Variants in RIN3 observed in about 807,000 individuals in gnomAD.
The protein encoded by RIN3 is RAB5 interacting protein 3.
Under a neutral mutation model 76.3 loss-of-function variants are expected in RIN3, and 54 were observed. That is an observed-to-expected ratio of 0.71 (90% CI 0.57 to 0.89). RIN3 has a LOEUF of 0.89. Among genes scored for constraint, RIN3 ranks in the 40% least tolerant of loss-of-function variants. The pLI is 0.00. For synonymous variants in RIN3, 576 were observed against 564.0 expected, an observed-to-expected ratio of 1.02 and a Z score of -0.30; for missense variants, 1,256 against 1,322.1, an observed-to-expected ratio of 0.95 and a Z score of 0.78.
intron 3 of RIN3, among the ~76,000 whole-genome samples, chr14:92,598,230 A>G (rs1885220449): frequency 1.3e-5 from 2 of 152,160 alleles, no homozygotes; most frequent in Admixed American, 1.3e-4. Flanking sequence ...CCTGGACACT[A>G]TATAAGGAGG....
chr14:92,626,702 G>A (rs374996495), intron 4 of RIN3, among the ~76,000 whole-genome samples: 1 of 152,116 alleles, frequency 6.6e-6, no homozygotes. Flanking sequence ...ATCTGGGACC[G>A]AGTCCAGGGT....
chr14:92,578,961 C>G (rs1351324671), intron 3 of RIN3, among the ~76,000 whole-genome samples: 1 of 151,328 alleles, frequency 6.6e-6, no homozygotes, highest in Non-Finnish European at 1.5e-5. Context: ...GAGTTTCGCT[C>G]TTGTTGCCCA....
Position 92,513,952 on chromosome 14 carries a change from C to T in RIN3, c.20C>T (p.Ala7Val). Residue 7 changes from alanine (A) to valine (V), a missense_variant, in exon 1 of 10, where the codon GCG becomes GTG. By Grantham distance (64) the Ala-to-Val change is moderately conservative. Coordinates refer to ENST00000216487, the MANE Select transcript of RIN3 (RefSeq NM_024832.5). Reference protein sequence around the residue: MIRHAGAPARGDPTGPV... With the variant: MIRHAGVPARGDPTGPV... ...GGCGGCATGATCCGACACGCCGGGG[C>T]GCCCGCGCGCGGGGACCCCACGGGG... 1 of 1,245,720 alleles carries T rather than the reference C, an allele frequency of 8.0e-7. No homozygotes were observed. Among genetic ancestry groups the T allele is most frequent in the South Asian group, 3.3e-5 (1 of 29,994 alleles). 77.2% of individuals were successfully genotyped at this position (1,245,720 alleles called of 1,614,324 possible). A position where few individuals can be genotyped will look rare whatever the true frequency, so the allele number is the denominator to read the frequency against.
At chr14:92,669,266 T>C (rs1303936921) in intron 7 of RIN3, among the ~76,000 whole-genome samples, 1 of 152,150 alleles carries the variant, frequency 6.6e-6, no homozygotes, top group Non-Finnish European at 1.5e-5. Context: ...TAAACAGAAA[T>C]GCAAAATATA....
At chr14:92,566,080 T>C (rs1411114783) in intron 2 of RIN3, among the ~76,000 whole-genome samples, 1 of 152,194 alleles carries the variant, frequency 6.6e-6, no homozygotes, top group African/African-American at 2.4e-5. Context: ...GGCACTGGGT[T>C]GGTGGTGAAT....
Position 92,584,785 on chromosome 14 carries a change from G to A in RIN3, c.367+7308G>A, listed in dbSNP as rs1007883356. ...ACACTAGCTACTTTTTCATTGATGG[G>A]CTTTGAAGATGGTGACAGTGACAGA... is the stretch of plus-strand genomic sequence containing the variant. On this transcript the variant is annotated intron_variant, in intron 3 of 9. Transcript: ENST00000216487. Among the ~76,000 whole-genome samples the A allele has an allele frequency of 2.6e-5, 4 of 152,282 alleles. No homozygotes were observed. The East Asian group carries it at 7.7e-4, about 29-fold the overall frequency.
chr14:92,596,762 CT>C (rs1885161586), intron 3 of RIN3, among the ~76,000 whole-genome samples: 2 of 152,170 alleles, frequency 1.3e-5, no homozygotes, highest in Admixed American at 6.5e-5. Flanking sequence ...GACTAGATGG[CT>C]TCAGCAAGGA....
At chr14:92,659,619 G>A in intron 7 of RIN3, 150 bp downstream of exon 7, 2 of 682,638 alleles carry the variant, frequency 2.9e-6, no homozygotes, top group Non-Finnish European at 4.6e-6. Flanking sequence ...TGGGTGGGGT[G>A]TAATTCCTGG....
chr14:92,535,539 G>A (rs1896977055), intron 1 of RIN3, among the ~76,000 whole-genome samples: 1 of 151,856 alleles, frequency 6.6e-6, no homozygotes, highest in African/African-American at 2.4e-5. Flanking sequence ...GTGTGTGCGT[G>A]CACGCACGTG....
At chr14:92,638,668 A>T (rs560383012) in intron 4 of RIN3, among the ~76,000 whole-genome samples, 1 of 152,284 alleles carries the variant, frequency 6.6e-6, no homozygotes, top group African/African-American at 2.4e-5. Flanking sequence ...CTTCAAAATT[A>T]GAGCTGGGGT....
chr14:92,676,504 C>G lies in RIN3; in HGVS notation c.2365C>G (p.Pro789Ala). 1.2e-6 allele frequency: 2 copies of G among 1,614,150 alleles called. No individual in the cohort carries two copies. Among genetic ancestry groups the G allele is most frequent in the Non-Finnish European group, 1.7e-6 (2 of 1,180,002 alleles). Reference sequence around the variant, plus strand: ...GCCCTATGGGGCGGATGACTTCCTGCCTGTGCTCATGTATGTGCTGGCCCG... The same window carrying G: ...GCCCTATGGGGCGGATGACTTCCTGGCTGTGCTCATGTATGTGCTGGCCCG... ...GKPYGADDFLPVLMYVLARSN... is the reference protein window; with the variant it reads ...GKPYGADDFLAVLMYVLARSN... Residue 789 changes from proline (P) to alanine (A), a missense_variant, in exon 8 of 10, where the codon CCT (proline) becomes GCT (alanine). By Grantham distance (27) the Pro-to-Ala change is conservative. Coordinates refer to ENST00000216487, the MANE Select transcript of RIN3 (RefSeq NM_024832.5).
At chr14:92,596,880 A>C (rs932068873) in intron 3 of RIN3, among the ~76,000 whole-genome samples, 1 of 152,180 alleles carries the variant, frequency 6.6e-6, no homozygotes, top group South Asian at 2.1e-4. Flanking sequence ...GGCATGCTGG[A>C]GCCGACTCAT....
chr14:92,601,701 C>T (rs1374306369), intron 3 of RIN3, among the ~76,000 whole-genome samples: 2 of 152,172 alleles, frequency 1.3e-5, no homozygotes, highest in Non-Finnish European at 2.9e-5. Flanking sequence ...ATTGCTTTCC[C>T]CAACATGCAC....
intron 4 of RIN3, among the ~76,000 whole-genome samples, chr14:92,627,572 G>A (rs760225380): frequency 2.0e-4 from 31 of 152,132 alleles, no homozygotes; most frequent in Admixed American, 3.3e-4. Flanking sequence ...ATACTTCACC[G>A]CCCCCACAGC....
intron 8 of RIN3, among the ~76,000 whole-genome samples, chr14:92,684,683 A>C (rs553088039): frequency 6.6e-6 from 1 of 152,140 alleles, no homozygotes; most frequent in South Asian, 2.1e-4. Flanking sequence ...TTTCTTGTGT[A>C]TCCTTTAAAT....
chr14:92,572,355 C>T (rs1363256557), intron 2 of RIN3, among the ~76,000 whole-genome samples: 3 of 152,240 alleles, frequency 2.0e-5, no homozygotes, highest in Non-Finnish European at 4.4e-5. Context: ...AGTTACACTC[C>T]GCCATTTTGC....
At position 92,651,882 on chromosome 14, in the gene RIN3, G is replaced by GCCACC; in HGVS notation, c.835_836insACCCC (p.Arg279HisfsTer62). On this transcript the variant is annotated frameshift_variant, in exon 6 of 10. Transcript: ENST00000216487. LOFTEE classifies it high-confidence loss of function. ...TCACCCACCTCCAGGTGGGCCCCAC[G>GCCACC]CCGCCCACCACCCCCTCCCCCAGTG... 6.4e-7 allele frequency: 1 copy of GCCACC among 1,554,478 alleles called. No homozygotes were observed. Among genetic ancestry groups the GCCACC allele is most frequent in the Non-Finnish European group, 8.7e-7 (1 of 1,153,216 alleles).
Position 92,656,588 on chromosome 14 carries a change from G to T in RIN3, c.2027-2573G>T, listed in dbSNP as rs1887676134. On this transcript the variant is annotated intron_variant, in intron 6 of 9. Transcript: ENST00000216487. This position sits in a 1 kb window ranked among gnomAD's most constrained non-coding sequence, Gnocchi z 5.2. ...CCAAATCTGCTTCGGGCACCAAGAT[G>T]TCAAGAGGTGCTAGACTTGGAGTTT... is the stretch of plus-strand genomic sequence containing the variant. Among the ~76,000 whole-genome samples, 1 of 152,252 alleles carries T rather than the reference G, an allele frequency of 6.6e-6. No homozygotes were observed.
At chr14:92,583,437 A>T (rs1231961053) in intron 3 of RIN3, among the ~76,000 whole-genome samples, 2 of 152,216 alleles carry the variant, frequency 1.3e-5, no homozygotes, top group Non-Finnish European at 2.9e-5. Context: ...AACAACCCTA[A>T]CCCCAGTTGC....
Sources: gnomAD v4.1 joint callset for allele counts (sites outside exome capture counted in the v4.1 genomes callset) on GRCh38, gnomAD v4.1.1 for gene constraint, Gnocchi (gnomAD v3.1) non-coding constraint, MANE v1.5 for transcripts, NCBI Gene and HGNC (gene_info 2026-07-23, HGNC 2026-07-21) for gene names.